Variants in COG2 observed in about 807,000 individuals in gnomAD.
COG2 encodes the protein conserved oligomeric Golgi complex subunit 2.
COG2 carries 52 observed loss-of-function variants against 90.6 expected under a neutral mutation model. That is an observed-to-expected ratio of 0.57 (90% CI 0.46 to 0.72). The LOEUF is 0.72. Ranked by LOEUF, COG2 falls within the 30% of genes least tolerant of loss-of-function variation. The pLI, the probability that COG2 is intolerant of heterozygous loss-of-function variation, is 0.00. For synonymous variants in COG2, 337 were observed against 320.4 expected (o/e 1.05, Z -0.55); for missense variants, 829 against 891.2 (o/e 0.93, Z 0.89).
In COG2 at chr1:230,668,672, C is replaced by T; in HGVS notation, c.486-4C>T. 6.3e-7 allele frequency: 1 copy of T among 1,588,690 alleles called. No individual in the cohort carries two copies. The stretch of plus-strand genomic sequence containing the variant: ...TACACTTCTATAACTGTTTTCTCTA[C>T]TAGCCCCCTTTTGACTGGACAAATT... On this transcript the variant is annotated splice_polypyrimidine_tract_variant and splice_region_variant and intron_variant, in intron 5 of 17. Transcript: ENST00000366669.
intron 1 of COG2, among the ~76,000 whole-genome samples, chr1:230,645,096 G>A (rs1056961090): frequency 1.9e-4 from 29 of 152,020 alleles, no homozygotes; most frequent in African/African-American, 6.5e-4. Flanking sequence ...TTAGCCAGGT[G>A]TGGTGGCACA....
intron 15 of COG2, 49 bp downstream of exon 15, chr1:230,688,611 A>C (rs1662944794): frequency 2.5e-6 from 4 of 1,603,244 alleles, no homozygotes; most frequent in Non-Finnish European, 3.4e-6. Context: ...AGTGTGTGTT[A>C]GGAAAGCCAA....
At chr1:230,652,800 C>G (rs1468635709) in intron 1 of COG2, among the ~76,000 whole-genome samples, 1 of 152,128 alleles carries the variant, frequency 6.6e-6, no homozygotes, top group Non-Finnish European at 1.5e-5. Flanking sequence ...TTTTTCAGAT[C>G]TTTCGCTCAT....
At chr1:230,643,852 C>T (rs1046030429) in intron 1 of COG2, among the ~76,000 whole-genome samples, 4 of 152,134 alleles carry the variant, frequency 2.6e-5, no homozygotes, top group Middle Eastern at 3.2e-3. Context: ...AGAAACCCTT[C>T]GTTTTGCCTA....
At chr1:230,686,784 A>G (rs149170481) in intron 12 of COG2, 151 bp from the exon 13 acceptor site, 1 of 438,422 alleles carries the variant, frequency 2.3e-6, no homozygotes, top group Non-Finnish European at 4.0e-6. Flanking sequence ...TGTAGATACA[A>G]TATTGTATAC....
At chr1:230,658,976 T>C (rs551924802) in intron 1 of COG2, among the ~76,000 whole-genome samples, 26 of 152,226 alleles carry the variant, frequency 1.7e-4, no homozygotes, top group Non-Finnish European at 3.2e-4. Context: ...ATGTGACACA[T>C]AGAAAAACAT....
intron 1 of COG2, among the ~76,000 whole-genome samples, chr1:230,646,998 G>A (rs1348882313): frequency 6.6e-6 from 1 of 151,764 alleles, no homozygotes; most frequent in African/African-American, 2.4e-5. Context: ...GTAGTCCCCT[G>A]GCATCCATTC....
chr1:230,657,118 A>G (rs1662077034), intron 1 of COG2, among the ~76,000 whole-genome samples: 1 of 152,164 alleles, frequency 6.6e-6, no homozygotes. Context: ...TTATGATGCT[A>G]GGTGGTCATT....
At chr1:230,675,480 T>A (rs1662567374) in intron 9 of COG2, among the ~76,000 whole-genome samples, 1 of 152,198 alleles carries the variant, frequency 6.6e-6, no homozygotes, top group Admixed American at 6.5e-5. Context: ...CTCTGCCATA[T>A]AATTTTGAAT....
chr1:230,658,829 T>C (rs1662120879), intron 1 of COG2, among the ~76,000 whole-genome samples: 1 of 152,212 alleles, frequency 6.6e-6, no homozygotes, highest in South Asian at 2.1e-4. Context: ...CTGAACATCT[T>C]GTTCAATAGA....
At chr1:230,678,673 C>T (rs184297335) in intron 9 of COG2, 48 of 1,425,020 alleles carry the variant, frequency 3.4e-5, no homozygotes, top group African/African-American at 2.3e-4. Flanking sequence ...ACTTAGAGTG[C>T]CTGGGTCTCA....
chr1:230,677,451 T>C (rs1662627146), intron 9 of COG2, among the ~76,000 whole-genome samples: 1 of 152,222 alleles, frequency 6.6e-6, no homozygotes, highest in African/African-American at 2.4e-5. Context: ...ACTTACCTTA[T>C]CTGTTGGCTG....
At chr1:230,644,249 TAA>T (rs1448388873) in intron 1 of COG2, among the ~76,000 whole-genome samples, 1 of 152,222 alleles carries the variant, frequency 6.6e-6, no homozygotes, top group Non-Finnish European at 1.5e-5. Context: ...GTAGTGCTTA[TAA>T]AAGTGACAAC....
rs564404323 is a variant in COG2 at position 230,651,161 on chromosome 1, A to G, written c.73-8303A>G. On this transcript the variant is annotated intron_variant, in intron 1 of 17. Transcript: ENST00000366669. The stretch of plus-strand genomic sequence containing the variant: ...CTTCAGCTTGGTGTTGCCTCTTGGT[A>G]GTACCTCCCATCATTATGAATACAG... Among the ~76,000 whole-genome samples, 10 of 152,212 alleles carry G rather than the reference A, an allele frequency of 6.6e-5. No homozygotes were observed. In the South Asian group the frequency reaches 2.1e-3, roughly 32 times the overall value.
At chr1:230,667,390 T>C (rs961340587) in intron 5 of COG2, among the ~76,000 whole-genome samples, 2 of 152,148 alleles carry the variant, frequency 1.3e-5, no homozygotes, top group African/African-American at 4.8e-5. Flanking sequence ...TGTCTGTTTC[T>C]AGAGATACTC....
At chr1:230,689,922 T>C in intron 15 of COG2, 92 bp from the exon 16 acceptor site, 2 of 1,286,476 alleles carry the variant, frequency 1.6e-6, no homozygotes, top group Non-Finnish European at 2.1e-6. Flanking sequence ...AGAACGTTAA[T>C]AGTATCCTTT....
At position 230,679,006 on chromosome 1, in the gene COG2, C is replaced by G; in HGVS notation, c.1120C>G (p.His374Asp). 1 of 1,613,694 alleles carries G rather than the reference C, an allele frequency of 6.2e-7. No individual in the cohort carries two copies. Among genetic ancestry groups the G allele is most frequent in the Non-Finnish European group, 8.5e-7 (1 of 1,179,664 alleles). ...VKRLRAHPAYHSFNKKWNLPV... is the reference protein window; with the variant it reads ...VKRLRAHPAYDSFNKKWNLPV... Reference sequence around the variant, plus strand: ...GAGATTAAGAGCCCATCCTGCCTATCACAGCTTCAATAAGAAGTGGAACTT... The same window carrying G: ...GAGATTAAGAGCCCATCCTGCCTATGACAGCTTCAATAAGAAGTGGAACTT... Residue 374 changes from histidine (H) to aspartate (D), a missense_variant, in exon 10 of 18, where the codon CAC becomes GAC. His to Asp is a moderately conservative substitution (Grantham distance 81). Transcript: ENST00000366669.
At chr1:230,654,686 CA>C (rs1662007678) in intron 1 of COG2, among the ~76,000 whole-genome samples, 3 of 152,262 alleles carry the variant, frequency 2.0e-5, no homozygotes, top group South Asian at 2.1e-4. Context: ...TTACTTTGGG[CA>C]GTATGGCAAT....
At chr1:230,653,015 T>C (rs1314592888) in intron 1 of COG2, among the ~76,000 whole-genome samples, 3 of 152,094 alleles carry the variant, frequency 2.0e-5, no homozygotes, top group African/African-American at 7.2e-5. Context: ...GTGAGAACGC[T>C]TAAGATCTAC....
Sources: gnomAD v4.1 joint callset for allele counts (sites outside exome capture counted in the v4.1 genomes callset) on GRCh38, gnomAD v4.1.1 for gene constraint, MANE v1.5 for transcripts, NCBI Gene and HGNC (gene_info 2026-07-23, HGNC 2026-07-21) for gene names.